Variants in DDX17 observed in about 807,000 individuals in gnomAD.
DDX17 encodes the protein probable ATP-dependent RNA helicase DDX17.
A neutral mutation model predicts 80.8 loss-of-function variants in DDX17; 10 were observed. That is an observed-to-expected ratio of 0.12 (90% CI 0.08 to 0.21). The LOEUF (loss-of-function observed/expected upper bound fraction) is 0.21. DDX17 is among the 10% of genes least tolerant of loss of function. The probability of loss-of-function intolerance (pLI) is 1.00; values close to 1 mark genes in which losing one functional copy is unlikely to be tolerated. For synonymous variants in DDX17, 339 were observed against 336.2 expected (o/e 1.01, Z -0.09); for missense variants, 586 against 957.4 (o/e 0.61, Z 5.12).
chr22:38,490,664 A>C (rs1602673010), intron 11 of DDX17: 2 of 335,438 alleles, frequency 6.0e-6, no homozygotes, highest in Non-Finnish European at 1.1e-5. Context: ...TGAAAATTGC[A>C]CCCCTGTCTA....
intron 2 of DDX17, among the ~76,000 whole-genome samples, chr22:38,500,499 G>A (rs781337376): frequency 6.6e-6 from 1 of 151,642 alleles, no homozygotes; most frequent in Non-Finnish European, 1.5e-5. Context: ...GGGTGACAGA[G>A]CAAGATTCCG....
At chr22:38,496,182 A>G (rs755962338) in intron 5 of DDX17, among the ~76,000 whole-genome samples, 1 of 152,130 alleles carries the variant, frequency 6.6e-6, no homozygotes, top group Non-Finnish European at 1.5e-5. Context: ...ACTATGACAC[A>G]TTATCAATCA....
chr22:38,492,138 T>C (rs2089719514), intron 10 of DDX17, 23 bp from the exon 11 acceptor site: 8 of 1,595,444 alleles, frequency 5.0e-6, no homozygotes, highest in Non-Finnish European at 6.0e-6. Context: ...ACAATAATCA[T>C]CATCAAATAA....
rs1054922321 is a variant in DDX17 at position 38,485,223 on chromosome 22, A to G, written c.*712T>C. 12 of 152,322 alleles carry G rather than the reference A, an allele frequency of 7.9e-5. No homozygotes were observed. The highest frequency in any genetic ancestry group is 7.8e-4 in the Admixed American group (12 of 15,306). The allele number at this position is 152,322 out of a possible 1,614,324, so 9.4% of individuals were successfully genotyped here. ...CTACAATAAACACTTGTGGTTTTTAATTTAAAGGATACACAAAACTCAGCA... is the reference window on the plus strand; with the variant it reads ...CTACAATAAACACTTGTGGTTTTTAGTTTAAAGGATACACAAAACTCAGCA... On this transcript the variant is annotated 3_prime_UTR_variant, in exon 13 of 13. Coordinates refer to ENST00000403230, the MANE Select transcript of DDX17 (RefSeq NM_006386.5).
At chr22:38,503,829 C>T (rs1160737885) in intron 1 of DDX17, among the ~76,000 whole-genome samples, 2 of 152,180 alleles carry the variant, frequency 1.3e-5, no homozygotes, top group African/African-American at 4.8e-5. Context: ...TTCAAAATAA[C>T]CACCACTTCA....
chr22:38,494,151 T>A lies in DDX17; in HGVS notation c.1215-20A>T, dbSNP rs747136893. ...ATCAACCTGAAAACATGACCAACAA[T>A]GCAGTCATCACACAGAAAGTTATTA... On this transcript the variant is annotated intron_variant, in intron 8 of 12. Coordinates refer to ENST00000403230, the MANE Select transcript of DDX17 (RefSeq NM_006386.5). The A allele has an allele frequency of 4.6e-6, 7 of 1,512,248 alleles. No homozygotes were observed. The highest frequency in any genetic ancestry group is 1.7e-4 in the Middle Eastern group (1 of 5,882). The allele number at this position is 1,512,248 out of a possible 1,614,324, so 93.7% of individuals were successfully genotyped here.
intron 10 of DDX17, among the ~76,000 whole-genome samples, chr22:38,492,404 T>C (rs1602674716): frequency 6.6e-6 from 1 of 152,170 alleles, no homozygotes; most frequent in Non-Finnish European, 1.5e-5. Context: ...CAACCAAAAG[T>C]TGGGGGTCAG....
chr22:38,501,523 G>A (rs971196888), intron 1 of DDX17, among the ~76,000 whole-genome samples: 2 of 152,174 alleles, frequency 1.3e-5, no homozygotes, highest in South Asian at 4.1e-4. Context: ...CCTTTATTGA[G>A]AGAAATACAT....
In DDX17 at chr22:38,498,161, G is replaced by T; in HGVS notation, c.673-11C>A. ...TGCAGGCAGGAGATACTGTGGAGGG[G>T]GGAAAGAATGACAACCTTACGCTTA... On this transcript the variant is annotated splice_polypyrimidine_tract_variant and intron_variant, in intron 4 of 12. Transcript: ENST00000403230. 1 of 1,613,460 alleles carries T rather than the reference G, an allele frequency of 6.2e-7. No homozygotes were observed. The highest frequency in any genetic ancestry group is 8.5e-7 in the Non-Finnish European group (1 of 1,179,604).
At chr22:38,496,958 T>C (rs1046862753) in intron 5 of DDX17, among the ~76,000 whole-genome samples, 3 of 152,180 alleles carry the variant, frequency 2.0e-5, no homozygotes, top group Non-Finnish European at 2.9e-5. Flanking sequence ...TTGAGACATA[T>C]TGTACATGTT....
rs2089875163 is a variant in DDX17, at chr22:38,505,745, C to T, written c.287+206G>A. Reference sequence around the variant, plus strand: ...CGACGGCCGTCCGCACGGAGAGGCCCAGCGTCGCCAAGCGGCCGCCCTCCT... The same window carrying T: ...CGACGGCCGTCCGCACGGAGAGGCCTAGCGTCGCCAAGCGGCCGCCCTCCT... On this transcript the variant is annotated intron_variant, in intron 1 of 12. Coordinates refer to ENST00000403230, the MANE Select transcript of DDX17 (RefSeq NM_006386.5). The T allele has an allele frequency of 1.0e-5, 6 of 599,052 alleles. No homozygotes were observed. The South Asian group carries it at 1.3e-4, about 13-fold the overall frequency. 37.1% of individuals were successfully genotyped at this position (599,052 alleles called of 1,614,324 possible).
chr22:38,500,633 T>G (rs756285045), intron 2 of DDX17, among the ~76,000 whole-genome samples: 1 of 150,492 alleles, frequency 6.6e-6, no homozygotes, highest in African/African-American at 2.5e-5. Flanking sequence ...CTGCCCAACA[T>G]AGTGAAACTC....
At position 38,486,220 on chromosome 22, in the gene DDX17, A is replaced by G. The variant is rs750307007; in HGVS notation, c.1905T>C (p.Tyr635=). 1.5e-5 allele frequency: 24 copies of G among 1,614,146 alleles called. No individual in the cohort carries two copies. The highest frequency in any genetic ancestry group is 2.2e-5 in the East Asian group (1 of 44,890). Residue 635 remains tyrosine (Y), a synonymous_variant, in exon 13 of 13, where the codon TAT becomes TAC. Coordinates refer to ENST00000403230, the MANE Select transcript of DDX17 (RefSeq NM_006386.5). ...CAGCTGCCCCATAGGTGCCTTGACC[A>G]TAGGTGTATTGGCCTGCTTGTGCTC... is the stretch of plus-strand genomic sequence containing the variant.
Position 38,494,916 on chromosome 22 carries a change from G to A in DDX17, c.1011C>T (p.Pro337=). ...TTTGGTCAACAATTTTACGGATCTG[G>A]GGTTCAAACCCCATATCAAGCATTC... The change falls in exon 7 of 13, where the codon CCC becomes CCT. Residue 337 remains proline, a synonymous_variant. Transcript: ENST00000403230. 1 of 1,614,112 alleles carries A rather than the reference G, an allele frequency of 6.2e-7. No homozygotes were observed. Among genetic ancestry groups the A allele is most frequent in the Non-Finnish European group, 8.5e-7 (1 of 1,180,004 alleles).
chr22:38,501,810 A>C (rs1186836160), intron 1 of DDX17, among the ~76,000 whole-genome samples: 2 of 152,258 alleles, frequency 1.3e-5, no homozygotes, highest in Admixed American at 6.5e-5. Flanking sequence ...GGTACCAAGT[A>C]TGTATCGGCT....
intron 1 of DDX17, among the ~76,000 whole-genome samples, chr22:38,502,827 C>T (rs1321112494): frequency 6.6e-6 from 1 of 152,136 alleles, no homozygotes; most frequent in Non-Finnish European, 1.5e-5. Flanking sequence ...GAATTTAGTT[C>T]CCTTTTCCCA....
At chr22:38,499,323 A>T in intron 3 of DDX17, 77 bp downstream of exon 3, 1 of 1,126,786 alleles carries the variant, frequency 8.9e-7, no homozygotes, top group South Asian at 1.2e-5. Flanking sequence ...GCCTGGCTCA[A>T]AGAGTTTAAC....
intron 6 of DDX17, among the ~76,000 whole-genome samples, 177 bp from the exon 7 acceptor site, chr22:38,495,223 G>C (rs2145698061): frequency 6.7e-6 from 1 of 149,950 alleles, no homozygotes; most frequent in Non-Finnish European, 1.5e-5. Flanking sequence ...CCTGGTGGCT[G>C]TACTCAATGC....
intron 4 of DDX17, 135 bp downstream of exon 4, chr22:38,498,305 C>A: frequency 7.1e-7 from 1 of 1,412,582 alleles, no homozygotes; most frequent in Non-Finnish European, 9.6e-7. Context: ...ACATAAAATG[C>A]TTCCATATAT....
Sources: allele counts gnomAD v4.1 joint callset (sites outside exome capture counted in the v4.1 genomes callset), GRCh38; gene constraint gnomAD v4.1.1; transcripts MANE v1.5; gene names NCBI Gene and HGNC (gene_info 2026-07-23, HGNC 2026-07-21).